Variants in SLC22A3 observed in about 807,000 individuals in gnomAD.
SLC22A3 encodes the protein solute carrier family 22 member 3.
In SLC22A3, 51 loss-of-function variants were observed where a neutral mutation model predicts 59.1. The observed-to-expected ratio is 0.86, with a 90% CI of 0.69 to 1.09. SLC22A3 has a LOEUF of 1.09. Ranked by LOEUF, SLC22A3 falls within the 50% of genes least tolerant of loss-of-function variation. The pLI, the probability that SLC22A3 is intolerant of heterozygous loss-of-function variation, is 0.00. For synonymous variants in SLC22A3, 325 were observed against 292.0 expected (o/e 1.11, Z -1.15); for missense variants, 711 against 726.3 (o/e 0.98, Z 0.24).
At chr6:160,383,844 A>G (rs1785891148) in intron 1 of SLC22A3, among the ~76,000 whole-genome samples, 1 of 152,256 alleles carries the variant, frequency 6.6e-6, no homozygotes, top group Admixed American at 6.5e-5. Context: ...AACTATTTAC[A>G]TAGCTATGTT....
chr6:160,413,643 A>G (rs1787348185), intron 5 of SLC22A3, among the ~76,000 whole-genome samples: 1 of 152,224 alleles, frequency 6.6e-6, no homozygotes, highest in Admixed American at 6.5e-5. Context: ...AGCAAGAACT[A>G]TTCCTGTGGT....
chr6:160,382,669 T>C (rs564913664), intron 1 of SLC22A3, among the ~76,000 whole-genome samples: 1 of 152,300 alleles, frequency 6.6e-6, no homozygotes, highest in East Asian at 1.9e-4. Flanking sequence ...TGCCTGGGGC[T>C]GGGAGATTAT....
chr6:160,409,577 G>A (rs1787165366), intron 4 of SLC22A3, among the ~76,000 whole-genome samples: 1 of 151,336 alleles, frequency 6.6e-6, no homozygotes, highest in African/African-American at 2.4e-5. Flanking sequence ...TCTAGTTCTA[G>A]ATCCCTGAGG....
intron 1 of SLC22A3, among the ~76,000 whole-genome samples, chr6:160,354,211 G>C (rs970598025): frequency 5.9e-5 from 9 of 152,292 alleles, no homozygotes; most frequent in Middle Eastern, 3.4e-3. Flanking sequence ...CATGTCCTTT[G>C]GTGTCAGATA....
At chr6:160,369,671 A>G (rs1011018843) in intron 1 of SLC22A3, among the ~76,000 whole-genome samples, 1 of 152,196 alleles carries the variant, frequency 6.6e-6, no homozygotes, top group African/African-American at 2.4e-5. Flanking sequence ...CACCTCCCCA[A>G]ATGAAAAAAT....
At chr6:160,421,769 C>T (rs973766760) in intron 5 of SLC22A3, among the ~76,000 whole-genome samples, 1 of 152,160 alleles carries the variant, frequency 6.6e-6, no homozygotes, top group Non-Finnish European at 1.5e-5. Flanking sequence ...GTTTGCCTGT[C>T]CTTTTTCCGT....
chr6:160,387,935 G>A (rs920269780), intron 1 of SLC22A3, among the ~76,000 whole-genome samples: 5 of 152,130 alleles, frequency 3.3e-5, no homozygotes, highest in Admixed American at 2.0e-4. Flanking sequence ...TGTACTCCCA[G>A]CCTCCAACCA....
intron 1 of SLC22A3, among the ~76,000 whole-genome samples, chr6:160,357,586 C>A (rs934055423): frequency 6.6e-6 from 1 of 152,164 alleles, no homozygotes; most frequent in Non-Finnish European, 1.5e-5. Flanking sequence ...TGAAAACAGC[C>A]TGCACGTTTA....
At chr6:160,429,954 GCTGGGTGAATTATCAC>G (rs1156715564) in intron 5 of SLC22A3, among the ~76,000 whole-genome samples, 1 of 151,838 alleles carries the variant, frequency 6.6e-6, no homozygotes, top group Non-Finnish European at 1.5e-5. Context: ...AGGAAAAAGT[GCTGGGTGAATTATCAC>G]CTGAAAATAA....
chr6:160,410,258 C>T (rs1294078600), intron 4 of SLC22A3, among the ~76,000 whole-genome samples: 1 of 152,124 alleles, frequency 6.6e-6, no homozygotes, highest in Non-Finnish European at 1.5e-5. Flanking sequence ...CTAAAATGAT[C>T]CACCCACCTC....
At chr6:160,419,049 T>C (rs528012418) in intron 5 of SLC22A3, among the ~76,000 whole-genome samples, 2 of 152,322 alleles carry the variant, frequency 1.3e-5, no homozygotes, top group South Asian at 4.1e-4. Context: ...GGAACGGAAT[T>C]TGAGCTTTCC....
At chr6:160,385,480 CAGTT>C (rs2114804442) in intron 1 of SLC22A3, among the ~76,000 whole-genome samples, 1 of 152,320 alleles carries the variant, frequency 6.6e-6, no homozygotes, top group Admixed American at 6.5e-5. Context: ...CTGAACAAGA[CAGTT>C]AGGGAAGGAG....
intron 9 of SLC22A3, 34 bp downstream of exon 9, chr6:160,443,776 A>G (rs781355050): frequency 2.3e-5 from 30 of 1,328,128 alleles, no homozygotes; most frequent in Non-Finnish European, 3.1e-5. Context: ...AAGAGCCTTC[A>G]TCTACATTCT....
chr6:160,433,157 T>C (rs539979982), intron 5 of SLC22A3, among the ~76,000 whole-genome samples: 1 of 152,316 alleles, frequency 6.6e-6, no homozygotes, highest in African/African-American at 2.4e-5. Flanking sequence ...AAACATTTAA[T>C]ATATAGCCCT....
chr6:160,407,225 T>C, intron 3 of SLC22A3, 30 bp downstream of exon 3: 1 of 1,570,360 alleles, frequency 6.4e-7, no homozygotes, highest in Non-Finnish European at 8.6e-7. Context: ...TCTTCTCTAT[T>C]TGGAAACTAG....
rs754088549 is a variant in SLC22A3, at chr6:160,348,747, T to C, written c.328T>C (p.Cys110Arg). 3 of 1,537,786 alleles carry C rather than the reference T, an allele frequency of 2.0e-6. No individual in the cohort carries two copies. The highest frequency in any genetic ancestry group is 2.6e-6 in the Non-Finnish European group (3 of 1,148,060). The part of the protein sequence containing the change: ...DSASATSALS[C>R]ADPLAAFPNR... ...CGCCTCCGCCACTAGCGCTCTCAGC[T>C]GCGCGGACCCACTCGCCGCCTTCCC... is the stretch of plus-strand genomic sequence containing the variant. Residue 110 changes from cysteine (C) to arginine (R), a missense_variant, in exon 1 of 11, where the codon TGC (cysteine) becomes CGC (arginine). Physicochemically the swap from Cys to Arg is radical, Grantham distance 180 (BLOSUM62 -3). Coordinates refer to ENST00000275300, the MANE Select transcript of SLC22A3 (RefSeq NM_021977.4).
intron 1 of SLC22A3, among the ~76,000 whole-genome samples, chr6:160,362,045 T>C (rs1785030059): frequency 6.6e-6 from 1 of 152,176 alleles, no homozygotes; most frequent in South Asian, 2.1e-4. Context: ...GCAGATACCT[T>C]GATCCCCTTA....
chr6:160,402,715 G>T (rs1786834452), intron 2 of SLC22A3, among the ~76,000 whole-genome samples: 1 of 151,598 alleles, frequency 6.6e-6, no homozygotes, highest in Non-Finnish European at 1.5e-5. Context: ...GAACATAGTG[G>T]AATTAAACTA....
intron 5 of SLC22A3, among the ~76,000 whole-genome samples, chr6:160,433,705 TC>T (rs1788238572): frequency 6.6e-6 from 1 of 152,014 alleles, no homozygotes; most frequent in African/African-American, 2.4e-5. Flanking sequence ...AGACCCTATC[TC>T]AAAAAAAATT....
Sources: allele counts gnomAD v4.1 joint callset (sites outside exome capture counted in the v4.1 genomes callset), GRCh38; gene constraint gnomAD v4.1.1; transcripts MANE v1.5; gene names NCBI Gene and HGNC (gene_info 2026-07-23, HGNC 2026-07-21).